The following CCDC18 variants were observed in gnomAD, a reference collection of about 807,000 sequenced individuals.
CCDC18 encodes the protein coiled-coil domain-containing protein 18.
A neutral mutation model predicts 196.0 loss-of-function variants in CCDC18; 157 were observed. The ratio of observed to expected loss-of-function variants is 0.80; its 90% CI spans 0.70 to 0.91. The LOEUF (loss-of-function observed/expected upper bound fraction) is 0.91, where lower values mean the gene tolerates loss of function less well. CCDC18 is among the 40% of genes least tolerant of loss of function. The pLI is 0.00. For synonymous variants in CCDC18, 482 were observed against 529.2 expected, an observed-to-expected ratio of 0.91 and a Z score of 1.22; for missense variants, 1,465 against 1,611.6, an observed-to-expected ratio of 0.91 and a Z score of 1.56.
intron 6 of CCDC18, among the ~76,000 whole-genome samples, chr1:93,197,392 C>A (rs568845450): frequency 7.9e-5 from 12 of 151,902 alleles, no homozygotes; most frequent in African/African-American, 2.9e-4. Context: ...AGAAATAAGG[C>A]CAATAACTGA....
chr1:93,211,030 A>G, intron 10 of CCDC18, 104 bp downstream of exon 10: 1 of 1,152,786 alleles, frequency 8.7e-7, no homozygotes, highest in South Asian at 1.4e-5. Flanking sequence ...TAATCCCAAC[A>G]CTTTGGGAGG....
At chr1:93,274,842 C>T (rs1266047838) in intron 28 of CCDC18, among the ~76,000 whole-genome samples, 2 of 152,138 alleles carry the variant, frequency 1.3e-5, no homozygotes, top group African/African-American at 4.8e-5. Flanking sequence ...AACAAACAAA[C>T]GTAGCCTATT....
chr1:93,255,602 G>A lies in CCDC18; in HGVS notation c.3343-733G>A, dbSNP rs575708521. ...CATTAAAAAACTAGCTAGGTGTGGTGATGCATGCCTGTGGTCCCAGCTACT... is the reference window on the plus strand; with the variant it reads ...CATTAAAAAACTAGCTAGGTGTGGTAATGCATGCCTGTGGTCCCAGCTACT... On this transcript the variant is annotated intron_variant, in intron 24 of 28. Transcript: ENST00000690025. Among the ~76,000 whole-genome samples, 9 of 152,260 alleles carry A rather than the reference G, an allele frequency of 5.9e-5. No individual in the cohort carries two copies. In the South Asian group the frequency reaches 1.9e-3, roughly 32 times the overall value.
intron 9 of CCDC18, among the ~76,000 whole-genome samples, 167 bp downstream of exon 9, chr1:93,207,565 A>G (rs1185844800): frequency 6.6e-6 from 1 of 152,076 alleles, no homozygotes. Flanking sequence ...TGCACTTACC[A>G]TTCTACACTT....
chr1:93,249,464 T>C (rs1434144204), intron 23 of CCDC18, among the ~76,000 whole-genome samples: 2 of 152,234 alleles, frequency 1.3e-5, no homozygotes, highest in Non-Finnish European at 2.9e-5. Context: ...TTATTTTTGC[T>C]CTGATCTTTA....
chr1:93,239,750 A>G lies in CCDC18; in HGVS notation c.2835A>G (p.Glu945=). 3.1e-6 allele frequency: 5 copies of G among 1,613,884 alleles called. No homozygotes were observed. The highest frequency in any genetic ancestry group is 2.2e-5 in the East Asian group (1 of 44,820). Residue 945 remains glutamate (E), a synonymous_variant, in exon 21 of 29, where the codon GAA becomes GAG. Coordinates refer to ENST00000690025, the MANE Select transcript of CCDC18 (RefSeq NM_001378204.1). ...TAACAGAAGCCTTGCAAAAACGGGAAGTACTTGAGACTGAACTACAAAATG... is the reference window on the plus strand; with the variant it reads ...TAACAGAAGCCTTGCAAAAACGGGAGGTACTTGAGACTGAACTACAAAATG... ...TELTEALQKR[E]VLETELQNAH...
chr1:93,265,275 G>A (rs1382812647), intron 27 of CCDC18, among the ~76,000 whole-genome samples: 1 of 152,088 alleles, frequency 6.6e-6, no homozygotes, highest in African/African-American at 2.4e-5. Context: ...GGCCGAGGTG[G>A]GCAGATCACT....
At position 93,214,772 on chromosome 1, in the gene CCDC18, A is replaced by G; in HGVS notation, c.1525A>G (p.Thr509Ala). The change falls in exon 12 of 29, where the codon ACT (threonine) becomes GCT (alanine). Residue 509 changes from threonine to alanine, a missense_variant. Coordinates refer to ENST00000690025, the MANE Select transcript of CCDC18 (RefSeq NM_001378204.1). ...AESVKDQNQH[T>A]MNKQYEKERQ... Reference sequence around the variant, plus strand: ...AAGCGTAAAAGATCAAAATCAACATACTATGAACAAGCAATATGAAAAAGA... The same window carrying G: ...AAGCGTAAAAGATCAAAATCAACATGCTATGAACAAGCAATATGAAAAAGA... 6.2e-7 allele frequency: 1 copy of G among 1,612,292 alleles called. No homozygotes were observed. The highest frequency in any genetic ancestry group is 2.2e-5 in the East Asian group (1 of 44,772).
intron 21 of CCDC18, among the ~76,000 whole-genome samples, chr1:93,243,243 C>T (rs1316833240): frequency 1.3e-5 from 2 of 152,246 alleles, no homozygotes. Context: ...GTTCCCAAAC[C>T]TCAATTCTTG....
chr1:93,207,105 A>G lies in CCDC18; in HGVS notation c.918-2A>G. 1 of 1,397,662 alleles carries G rather than the reference A, an allele frequency of 7.2e-7. No homozygotes were observed. The highest frequency in any genetic ancestry group is 2.2e-5 in the Admixed American group (1 of 45,138). The allele number at this position is 1,397,662 out of a possible 1,614,324, so 86.6% of individuals were successfully genotyped here. A position where few individuals can be genotyped will look rare whatever the true frequency, so the allele number is the denominator to read the frequency against. ...TTCATTTTTATTCTCTTTTCTTCATAGGCAGTTAAAAGAAGAAAATAACAA... is the reference window on the plus strand; with the variant it reads ...TTCATTTTTATTCTCTTTTCTTCATGGGCAGTTAAAAGAAGAAAATAACAA... On this transcript the variant is annotated splice_acceptor_variant, in intron 8 of 28. Transcript: ENST00000690025. LOFTEE classifies it high-confidence loss of function.
At chr1:93,215,340 G>T (rs1015959796) in intron 12 of CCDC18, among the ~76,000 whole-genome samples, 6 of 152,010 alleles carry the variant, frequency 3.9e-5, no homozygotes, top group African/African-American at 7.2e-5. Context: ...TCAAATTTTA[G>T]CAAACCCCAA....
chr1:93,180,447 C>A, upstream of CCDC18: 1 of 1,359,998 alleles, frequency 7.4e-7, no homozygotes, highest in Non-Finnish European at 1.0e-6. Context: ...GCTAGCAGTC[C>A]TATTCCGCAA....
At chr1:93,218,230 C>T (rs1178693960) in intron 14 of CCDC18, among the ~76,000 whole-genome samples, 2 of 151,922 alleles carry the variant, frequency 1.3e-5, no homozygotes, top group Non-Finnish European at 2.9e-5. Flanking sequence ...AAATGCAAGA[C>T]ACAGTAAAAA....
Position 93,207,152 on chromosome 1 carries a change from C to A in CCDC18, c.963C>A (p.Ile321=). 6.3e-7 allele frequency: 1 copy of A among 1,583,458 alleles called. No individual in the cohort carries two copies. The highest frequency in any genetic ancestry group is 2.3e-5 in the East Asian group (1 of 44,244). Residue 321 remains isoleucine, a synonymous_variant, in exon 9 of 29, where the codon ATC becomes ATA. Coordinates refer to ENST00000690025, the MANE Select transcript of CCDC18 (RefSeq NM_001378204.1). ...ENNNGKEKLR[I]MAVKNSEVMA... The stretch of plus-strand genomic sequence containing the variant: ...ACAACGGAAAAGAAAAATTAAGGAT[C>A]ATGGCAGTGAAAAATTCAGAAGTCA...
intron 21 of CCDC18, among the ~76,000 whole-genome samples, chr1:93,244,842 C>A (rs1661283396): frequency 1.3e-5 from 2 of 152,142 alleles, no homozygotes; most frequent in Non-Finnish European, 2.9e-5. Context: ...ACCAAGTTTT[C>A]TTCTACCATG....
Position 93,239,891 on chromosome 1 carries a change from A to G in CCDC18, c.2976A>G (p.Glu992=), listed in dbSNP as rs780794979. 6.3e-7 allele frequency: 1 copy of G among 1,580,658 alleles called. No individual in the cohort carries two copies. The highest frequency in any genetic ancestry group is 1.7e-5 in the Admixed American group (1 of 58,290). The change falls in exon 21 of 29, where the codon GAA becomes GAG. Residue 992 remains glutamate, a synonymous_variant. Transcript: ENST00000690025. ...CTACTATAAAGGATCTCACAGCTGAACTTAGGTGAGTTAAATAATAAGAAA... is the reference window on the plus strand; with the variant it reads ...CTACTATAAAGGATCTCACAGCTGAGCTTAGGTGAGTTAAATAATAAGAAA... The part of the protein sequence containing the change: ...KYTTIKDLTA[E]LRECKMEIED...
chr1:93,244,537 T>G (rs1661243273), intron 21 of CCDC18, among the ~76,000 whole-genome samples: 1 of 152,114 alleles, frequency 6.6e-6, no homozygotes, highest in African/African-American at 2.4e-5. Context: ...GAAAGATTAG[T>G]GGTTGCCAGG....
intron 28 of CCDC18, among the ~76,000 whole-genome samples, chr1:93,272,242 CTG>C (rs1229980460): frequency 2.0e-5 from 3 of 152,172 alleles, no homozygotes; most frequent in Non-Finnish European, 4.4e-5. Flanking sequence ...AATGTAAGCT[CTG>C]TGTGGAGAGG....
At chr1:93,207,712 G>A (rs1226679515) in intron 9 of CCDC18, among the ~76,000 whole-genome samples, 1 of 152,042 alleles carries the variant, frequency 6.6e-6, no homozygotes, top group Non-Finnish European at 1.5e-5. Flanking sequence ...AAATTTATAA[G>A]TTTTGTAACA....
Sources: gnomAD v4.1 joint callset for allele counts (sites outside exome capture counted in the v4.1 genomes callset) on GRCh38, gnomAD v4.1.1 for gene constraint, MANE v1.5 for transcripts, NCBI Gene and HGNC (gene_info 2026-07-23, HGNC 2026-07-21) for gene names.